Variants in WDR25 observed in about 807,000 individuals in gnomAD.
The protein encoded by WDR25 is WD repeat domain 25.
In WDR25, 35 loss-of-function variants were observed where a neutral mutation model predicts 47.7. The ratio of observed to expected loss-of-function variants is 0.73; its 90% confidence interval spans 0.56 to 0.97. The LOEUF (loss-of-function observed/expected upper bound fraction) is 0.97, where lower values mean the gene tolerates loss of function less well. WDR25 is among the 50% of genes least tolerant of loss of function. The pLI is 0.00. For synonymous variants in WDR25, 248 were observed against 278.9 expected, an observed-to-expected ratio of 0.89 and a Z score of 1.10; for missense variants, 634 against 704.7, an observed-to-expected ratio of 0.90 and a Z score of 1.14.
Position 100,469,978 on chromosome 14 carries a change from C to T in WDR25, c.970+1810C>T, listed in dbSNP as rs113370306. On this transcript the variant is annotated intron_variant, in intron 3 of 6. Coordinates refer to ENST00000402312, the MANE Select transcript of WDR25 (RefSeq NM_001161476.3). ...ACCCAGTGCCTACCCTGGAGAAGCT[C>T]CTGTCTGCTGGAGAAGACAGAAGTG... Among the ~76,000 whole-genome samples, 5 of 152,318 alleles carry T rather than the reference C, an allele frequency of 3.3e-5. 1 individual carries two copies. The highest frequency in any genetic ancestry group is 1.2e-4 in the African/African-American group (5 of 41,566).
In WDR25 at chr14:100,428,070, A is replaced by G. The variant is rs1182124097; in HGVS notation, c.823-39951A>G. Among the ~76,000 whole-genome samples the G allele has an allele frequency of 2.0e-5, 3 of 152,232 alleles. No homozygotes were observed. Among genetic ancestry groups the G allele is most frequent in the African/African-American group, 4.8e-5 (2 of 41,464 alleles). On this transcript the variant is annotated intron_variant, in intron 2 of 6. Coordinates refer to ENST00000402312, the MANE Select transcript of WDR25 (RefSeq NM_001161476.3). This position sits in a 1 kb window ranked among gnomAD's most constrained non-coding sequence, Gnocchi z 4.3. ...TCCCTTTCCTTTCCTTTTTGAGGGA[A>G]GCCAGGTTCCCTGCAGCAGGGCCTC...
chr14:100,459,096 G>C (rs910854000), intron 2 of WDR25, among the ~76,000 whole-genome samples: 1 of 152,108 alleles, frequency 6.6e-6, no homozygotes, highest in African/African-American at 2.4e-5. Flanking sequence ...ACAAAAAGTT[G>C]GTTCTTTGAG....
rs1450611973 is a variant in WDR25 at position 100,430,691 on chromosome 14, A to G, written c.823-37330A>G. On this transcript the variant is annotated intron_variant, in intron 2 of 6. Transcript: ENST00000402312. This position sits in a 1 kb window ranked among gnomAD's most constrained non-coding sequence, Gnocchi z 4.7. ...GCTGTTATAGGTGACCCAGTGAGGG[A>G]GGCTGCATCTCGATAGGCTGTGGGG... is the stretch of plus-strand genomic sequence containing the variant. 6.6e-6 allele frequency among the ~76,000 whole-genome samples: 1 copy of G among 152,172 alleles called. No homozygotes were observed. The highest frequency in any genetic ancestry group is 1.5e-5 in the Non-Finnish European group (1 of 68,036).
intron 2 of WDR25, among the ~76,000 whole-genome samples, chr14:100,467,074 C>T (rs1194792797): frequency 6.6e-6 from 1 of 152,206 alleles, no homozygotes; most frequent in Non-Finnish European, 1.5e-5. Context: ...TCTCATGAGC[C>T]TCATACCCTC....
intron 2 of WDR25, among the ~76,000 whole-genome samples, chr14:100,395,662 A>G (rs1294021147): frequency 6.6e-6 from 1 of 152,218 alleles, no homozygotes; most frequent in Non-Finnish European, 1.5e-5. Flanking sequence ...CGTCTGTAAA[A>G]TGGCAGGAGC....
At chr14:100,405,165 C>T (rs1217410578) in intron 2 of WDR25, among the ~76,000 whole-genome samples, 1 of 77,458 alleles carries the variant, frequency 1.3e-5, no homozygotes, top group African/African-American at 5.0e-5. Context: ...CTCTCTGCCC[C>T]ATCTTTTTTT....
Position 100,430,121 on chromosome 14 carries a change from C to G in WDR25, c.823-37900C>G, listed in dbSNP as rs1898284465. 6.6e-6 allele frequency among the ~76,000 whole-genome samples: 1 copy of G among 151,484 alleles called. No homozygotes were observed. The highest frequency in any genetic ancestry group is 1.5e-5 in the Non-Finnish European group (1 of 67,948). ...TGAGATGGACTTGGCCCCAGAGGCT[C>G]TAGGCAAATCTTGCAGACCAAGGGG... is the stretch of plus-strand genomic sequence containing the variant. On this transcript the variant is annotated intron_variant, in intron 2 of 6. Transcript: ENST00000402312. The surrounding 1 kb of genome is among the most constrained non-coding windows in gnomAD (Gnocchi z 4.7).
In WDR25 at chr14:100,407,549, G is replaced by T. The variant is rs947015408; in HGVS notation, c.822+25803G>T. The T allele has an allele frequency of 6.6e-6, 1 of 152,394 alleles. No homozygotes were observed. Among genetic ancestry groups the T allele is most frequent in the African/African-American group, 2.4e-5 (1 of 41,436 alleles). The allele number at this position is 152,394 out of a possible 1,614,324, so 9.4% of individuals were successfully genotyped here. On this transcript the variant is annotated intron_variant, in intron 2 of 6. Transcript: ENST00000402312. The surrounding 1 kb of genome is among the most constrained non-coding windows in gnomAD (Gnocchi z 4.1). ...CTGCCCCCTTTGTCAGTGTGCCCTT[G>T]TGGGAAGCCGGTGCGTTTCCAGGGG...
At chr14:100,483,954 T>C (rs368819200) in intron 3 of WDR25, 40 bp from the exon 4 acceptor site, 1 of 1,582,856 alleles carries the variant, frequency 6.3e-7, no homozygotes, top group African/African-American at 1.4e-5. Flanking sequence ...TTTTGTGACC[T>C]AAGTACTTTC....
intron 5 of WDR25, among the ~76,000 whole-genome samples, chr14:100,528,105 G>A (rs2030273068): frequency 6.6e-6 from 1 of 152,148 alleles, no homozygotes; most frequent in South Asian, 2.1e-4. Flanking sequence ...TTGTGGAGGT[G>A]GGGAGATGGG....
At chr14:100,524,872 T>A (rs1266359990) in intron 4 of WDR25, among the ~76,000 whole-genome samples, 3 of 152,182 alleles carry the variant, frequency 2.0e-5, no homozygotes, top group African/African-American at 7.2e-5. Context: ...GAGTGACACA[T>A]TTAATGTGAA....
intron 2 of WDR25, among the ~76,000 whole-genome samples, chr14:100,414,395 C>G (rs1461719093): frequency 1.3e-5 from 2 of 150,704 alleles, no homozygotes; most frequent in Non-Finnish European, 2.9e-5. Context: ...TCACTGCAGC[C>G]TCCGCCTCCC....
rs938138277 is a variant in WDR25, at chr14:100,523,213, T to C, written c.1102-2657T>C. Among the ~76,000 whole-genome samples, 6 of 152,216 alleles carry C rather than the reference T, an allele frequency of 3.9e-5. No homozygotes were observed. Among genetic ancestry groups the C allele is most frequent in the Non-Finnish European group, 8.8e-5 (6 of 68,034 alleles). On this transcript the variant is annotated intron_variant, in intron 4 of 6. Transcript: ENST00000402312. The surrounding 1 kb of genome is among the most constrained non-coding windows in gnomAD (Gnocchi z 4.7). Reference sequence around the variant, plus strand: ...GCATCAATTTGACACACCTTACTGATGCCTGCAGGGGCAGACCCAGTGCTA... The same window carrying C: ...GCATCAATTTGACACACCTTACTGACGCCTGCAGGGGCAGACCCAGTGCTA...
At chr14:100,521,821 T>C (rs993592024) in intron 4 of WDR25, among the ~76,000 whole-genome samples, 2 of 152,218 alleles carry the variant, frequency 1.3e-5, no homozygotes, top group Admixed American at 1.3e-4. Flanking sequence ...ACGATGCATA[T>C]GTTATTTTGC....
At chr14:100,495,095 G>T (rs563442013) in intron 4 of WDR25, among the ~76,000 whole-genome samples, 1 of 152,334 alleles carries the variant, frequency 6.6e-6, no homozygotes, top group South Asian at 2.1e-4. Flanking sequence ...GGTGGCTCAC[G>T]CCTGTAATCC....
chr14:100,444,570 AGGCC>A (rs779795034), intron 2 of WDR25, among the ~76,000 whole-genome samples: 3 of 152,170 alleles, frequency 2.0e-5, no homozygotes, highest in African/African-American at 7.2e-5. Flanking sequence ...CCCAGGCCCC[AGGCC>A]CCACCGTACC....
chr14:100,412,206 C>CAAA (rs34698940), intron 2 of WDR25, among the ~76,000 whole-genome samples: 3 of 54,188 alleles, frequency 5.5e-5, no homozygotes, highest in African/African-American at 6.4e-5. Flanking sequence ...GACCCTGTCT[C>CAAA]AAAAAAAAAA....
chr14:100,502,914 G>A lies in WDR25; in HGVS notation c.1101+18790G>A, dbSNP rs1399741872. 6.6e-6 allele frequency among the ~76,000 whole-genome samples: 1 copy of A among 152,100 alleles called. No homozygotes were observed. Among genetic ancestry groups the A allele is most frequent in the African/African-American group, 2.4e-5 (1 of 41,412 alleles). On this transcript the variant is annotated intron_variant, in intron 4 of 6. Transcript: ENST00000402312. The surrounding 1 kb of genome is among the most constrained non-coding windows in gnomAD (Gnocchi z 4.5). ...GGCACAACATATGAGGGAATGGTGAGGGTTTTTTGTTGCTGGAGAACACGC... is the reference window on the plus strand; with the variant it reads ...GGCACAACATATGAGGGAATGGTGAAGGTTTTTTGTTGCTGGAGAACACGC...
chr14:100,526,338 C>T (rs1417794223), intron 5 of WDR25, among the ~76,000 whole-genome samples: 1 of 152,126 alleles, frequency 6.6e-6, no homozygotes, highest in African/African-American at 2.4e-5. Context: ...CCTGAGAAAC[C>T]CCACCCTCCC....
Sources: gnomAD v4.1 joint callset for allele counts (sites outside exome capture counted in the v4.1 genomes callset) on GRCh38, gnomAD v4.1.1 for gene constraint, Gnocchi (gnomAD v3.1) non-coding constraint, MANE v1.5 for transcripts, NCBI Gene and HGNC (gene_info 2026-07-23, HGNC 2026-07-21) for gene names.